The following F5 variants were observed in gnomAD, a reference collection of about 807,000 sequenced individuals.
F5 encodes the protein activated protein c cofactor.
Under a neutral mutation model 216.4 loss-of-function variants are expected in F5, and 138 were observed. The ratio of observed to expected loss-of-function variants is 0.64; its 90% CI spans 0.56 to 0.73. The LOEUF (loss-of-function observed/expected upper bound fraction) is 0.73, where lower values mean the gene tolerates loss of function less well. Ranked by LOEUF, F5 falls within the 30% of genes least tolerant of loss-of-function variation. The pLI is 0.00. For missense variants in F5, 2,403 were observed against 2,674.0 expected (o/e 0.90, Z 2.24); for synonymous variants, 916 against 930.7 (o/e 0.98, Z 0.29).
intron 2 of F5, among the ~76,000 whole-genome samples, chr1:169,577,696 T>C (rs142619790): frequency 0.073 from 10,822 of 149,186 alleles, 429 homozygotes; most frequent in Middle Eastern, 0.11. Context: ...CACCTTGGCC[T>C]CCCAAAGTGC....
chr1:169,535,290 A>G (rs1269793756), intron 14 of F5, among the ~76,000 whole-genome samples: 1 of 152,216 alleles, frequency 6.6e-6, no homozygotes, highest in African/African-American at 2.4e-5. Context: ...CTAAGGCTCC[A>G]GTATGTCTCA....
Position 169,586,271 on chromosome 1 carries a change from T to C in F5, c.116A>G (p.Gln39Arg). Reference sequence around the variant, plus strand: ...AGGTCGGTAGCTCCAACTGATGCCCTGAGCAGCCACGTAGAACTGCCTTAG... The same window carrying C: ...AGGTCGGTAGCTCCAACTGATGCCCCGAGCAGCCACGTAGAACTGCCTTAG... ...AQLRQFYVAA[Q>R]GISWSYRPEP... The change falls in exon 1 of 25, where the codon CAG becomes CGG. Residue 39 changes from glutamine to arginine, a missense_variant. Around this residue, in one of 4 missense-constraint regions of F5, gnomAD observed 1,425 missense variants for 1,554.8 expected, o/e 0.92. Transcript: ENST00000367797. 1 of 1,614,200 alleles carries C rather than the reference T, an allele frequency of 6.2e-7. No individual in the cohort carries two copies. The highest frequency in any genetic ancestry group is 8.5e-7 in the Non-Finnish European group (1 of 1,180,034).
chr1:169,581,988 T>A (rs1265089680), intron 2 of F5, among the ~76,000 whole-genome samples: 1 of 152,226 alleles, frequency 6.6e-6, no homozygotes, highest in African/African-American at 2.4e-5. Flanking sequence ...GAACCCAGGA[T>A]ATGAGACTGT....
intron 1 of F5, among the ~76,000 whole-genome samples, chr1:169,584,526 C>G (rs187782503): frequency 6.6e-6 from 1 of 152,224 alleles, no homozygotes; most frequent in East Asian, 1.9e-4. Context: ...ATAATAGATA[C>G]ATTTTACCTT....
chr1:169,530,713 C>T lies in F5; in HGVS notation c.5208+73G>A, dbSNP rs9332620. 0.27 allele frequency: 352,075 copies of T among 1,317,330 alleles called. 48,974 individuals are homozygous for T. The highest frequency in any genetic ancestry group is 0.39 in the Admixed American group (23,347 of 59,546). 81.6% of individuals were successfully genotyped at this position (1,317,330 alleles called of 1,614,324 possible). A position where few individuals can be genotyped will look rare whatever the true frequency, so the allele number is the denominator to read the frequency against. ...ACAGACATTTGACAAGAAATAACCCCGACTCTTCCATTTGGTGGACTTCAG... is the reference window on the plus strand; with the variant it reads ...ACAGACATTTGACAAGAAATAACCCTGACTCTTCCATTTGGTGGACTTCAG... On this transcript the variant is annotated intron_variant, in intron 15 of 24. Coordinates refer to ENST00000367797, the MANE Select transcript of F5 (RefSeq NM_000130.5).
At chr1:169,585,877 G>A (rs1281361363) in intron 1 of F5, among the ~76,000 whole-genome samples, 3 of 152,186 alleles carry the variant, frequency 2.0e-5, no homozygotes, top group South Asian at 2.1e-4. Context: ...TGGAACAGGA[G>A]TTTGCAGGAA....
chr1:169,559,447 T>C (rs1181450551), intron 4 of F5, 151 bp from the exon 5 acceptor site: 10 of 825,094 alleles, frequency 1.2e-5, no homozygotes, highest in South Asian at 9.0e-5. Context: ...ATTTATCAAG[T>C]AATAATGGTT....
At chr1:169,523,672 C>T (rs1659362802) in intron 20 of F5, 129 bp downstream of exon 20, 5 of 880,660 alleles carry the variant, frequency 5.7e-6, no homozygotes, top group Non-Finnish European at 9.4e-6. Context: ...GTACTTAGAA[C>T]AGTGCCTCAC....
chr1:169,540,834 T>C lies in F5; in HGVS notation c.4256A>G (p.Asp1419Gly). The C allele has an allele frequency of 6.2e-7, 1 of 1,613,358 alleles. No homozygotes were observed. Among genetic ancestry groups the C allele is most frequent in the Non-Finnish European group, 8.5e-7 (1 of 1,179,778 alleles). The stretch of plus-strand genomic sequence containing the variant: ...CATCTGACCAAAGTTTGGGGAAAGA[T>C]CTGTCTCACCAAGGTCTGGAGAAAG... ...MTLSPDLGET[D>G]LSPNFGQMSL... is the part of the protein sequence containing the mutation. The change falls in exon 13 of 25, where the codon GAT becomes GGT. Residue 1419 changes from aspartate to glycine, a missense_variant. Transcript: ENST00000367797.
rs896570413 is a variant in F5 at position 169,586,437 on chromosome 1, G to C, written c.-51C>G. On this transcript the variant is annotated 5_prime_UTR_variant, in exon 1 of 25. Coordinates refer to ENST00000367797, the MANE Select transcript of F5 (RefSeq NM_000130.5). ...GCCACCACCCCAGGACCTGGGCAGC[G>C]CTTGCCGAGCTGCTAACCACACTCC... 9 of 1,583,898 alleles carry C rather than the reference G, an allele frequency of 5.7e-6. No individual in the cohort carries two copies. In the South Asian group the frequency reaches 7.9e-5, roughly 14 times the overall value.
chr1:169,518,641 A>G, intron 22 of F5, 78 bp from the exon 23 acceptor site: 2 of 1,454,200 alleles, frequency 1.4e-6, no homozygotes, highest in Admixed American at 3.5e-5. Context: ...AGGAGATAAG[A>G]AATAATATTA....
intron 20 of F5, 93 bp from the exon 21 acceptor site, chr1:169,523,445 A>G: frequency 7.0e-7 from 1 of 1,436,998 alleles, no homozygotes; most frequent in Non-Finnish European, 9.7e-7. Context: ...CTTCAGAACT[A>G]AAGAGCTAGC....
At chr1:169,574,602 C>T (rs1164985709) in intron 2 of F5, among the ~76,000 whole-genome samples, 1 of 152,186 alleles carries the variant, frequency 6.6e-6, no homozygotes, top group Non-Finnish European at 1.5e-5. Context: ...TAAGGCTTTC[C>T]TGTACTGTTT....
At chr1:169,566,887 C>T (rs1660614916) in intron 3 of F5, among the ~76,000 whole-genome samples, 1 of 151,946 alleles carries the variant, frequency 6.6e-6, no homozygotes, top group African/African-American at 2.4e-5. Context: ...CAGCCTCTTT[C>T]CTTTATGTTC....
intron 4 of F5, among the ~76,000 whole-genome samples, chr1:169,559,581 T>C (rs1221922123): frequency 6.6e-6 from 1 of 152,158 alleles, no homozygotes; most frequent in Non-Finnish European, 1.5e-5. Context: ...TCTGTACAAG[T>C]ATCCATTTCC....
Position 169,542,720 on chromosome 1 carries a change from GTTA to G in F5, c.2367_2369del (p.Asn790del), listed in dbSNP as rs752505935. Reference sequence around the variant, plus strand: ...AAGGGGCTTTCTGAGGTTCTGCAAGGTTATTGACAGTGAACTTACTAATATTAC... The same window carrying G: ...AAGGGGCTTTCTGAGGTTCTGCAAGGTTGACAGTGAACTTACTAATATTAC... On this transcript the variant is annotated inframe_deletion, in exon 13 of 25. Coordinates refer to ENST00000367797, the MANE Select transcript of F5 (RefSeq NM_000130.5). 3.7e-6 allele frequency: 6 copies of G among 1,613,990 alleles called. No homozygotes were observed. The African/African-American group carries it at 8.0e-5, about 22-fold the overall frequency.
intron 14 of F5, among the ~76,000 whole-genome samples, chr1:169,536,271 A>C (rs1448356012): frequency 6.6e-6 from 1 of 152,170 alleles, no homozygotes; most frequent in Non-Finnish European, 1.5e-5. Context: ...GAAATTACAG[A>C]AAGATTTTCC....
At chr1:169,578,939 T>C (rs1194968456) in intron 2 of F5, among the ~76,000 whole-genome samples, 1 of 152,200 alleles carries the variant, frequency 6.6e-6, no homozygotes. Flanking sequence ...CATTTTCTAT[T>C]GGAAAGGACT....
At chr1:169,568,933 A>G (rs965745578) in intron 3 of F5, among the ~76,000 whole-genome samples, 2 of 152,096 alleles carry the variant, frequency 1.3e-5, no homozygotes, top group African/African-American at 4.8e-5. Flanking sequence ...AAACTTAGTG[A>G]ATGCTTCACT....
Sources: allele counts gnomAD v4.1 joint callset (sites outside exome capture counted in the v4.1 genomes callset), GRCh38; gene constraint gnomAD v4.1.1; regional missense constraint gnomAD v4.1.1; transcripts MANE v1.5; gene names NCBI Gene and HGNC (gene_info 2026-07-23, HGNC 2026-07-21).